FAM135B: variants seen among roughly 807,000 people sequenced by gnomAD.
The protein encoded by FAM135B is family with sequence similarity 135 member B, also known as protein FAM135B.
Under a neutral mutation model 127.7 loss-of-function variants are expected in FAM135B, and 43 were observed. The ratio of observed to expected loss-of-function variants is 0.34; its 90% CI spans 0.26 to 0.43. The LOEUF (loss-of-function observed/expected upper bound fraction) is 0.43, where lower values mean the gene tolerates loss of function less well. Among genes scored for constraint, FAM135B ranks in the 20% least tolerant of loss-of-function variants. FAM135B has a pLI of 1.00. For missense variants in FAM135B, 1,558 were observed against 1,725.6 expected (o/e 0.90, Z 1.72); for synonymous variants, 670 against 665.1 (o/e 1.01, Z -0.11).
chr8:138,452,030 A>G, intron 1 of FAM135B, among the ~76,000 whole-genome samples: 1 of 152,246 alleles, frequency 6.6e-6, no homozygotes, highest in South Asian at 2.1e-4. Flanking sequence ...ATACACTAAT[A>G]AAAAATTATC....
intron 9 of FAM135B, among the ~76,000 whole-genome samples, chr8:138,183,667 A>C (rs1815289400): frequency 6.6e-6 from 1 of 152,224 alleles, no homozygotes; most frequent in Non-Finnish European, 1.5e-5. Context: ...TTTTTATAAC[A>C]ACAGCATAGC....
In FAM135B at chr8:138,480,146, C is replaced by T. The variant is rs117859586; in HGVS notation, c.-20+16525G>A. 1.1e-3 allele frequency among the ~76,000 whole-genome samples: 161 copies of T among 152,292 alleles called. 2 individuals carry two copies. In the East Asian group the frequency reaches 0.028, roughly 26 times the overall value. On this transcript the variant is annotated intron_variant, in intron 1 of 19. Coordinates refer to ENST00000395297, the MANE Select transcript of FAM135B (RefSeq NM_015912.4). ...AGCCTCTGGGAGTTGAGCACTGGCT[C>T]CACCATTCTTAACAATTTAATTTCC...
At chr8:138,339,179 C>T (rs1587144629) in intron 2 of FAM135B, among the ~76,000 whole-genome samples, 1 of 151,826 alleles carries the variant, frequency 6.6e-6, no homozygotes, top group South Asian at 2.1e-4. Flanking sequence ...TTAATGGGTG[C>T]AGTACACCAA....
intron 12 of FAM135B, among the ~76,000 whole-genome samples, chr8:138,154,296 A>T (rs1205219378): frequency 1.3e-5 from 2 of 152,078 alleles, no homozygotes; most frequent in African/African-American, 4.8e-5. Context: ...CGTCACCATC[A>T]TCAAAGACCA....
intron 3 of FAM135B, among the ~76,000 whole-genome samples, chr8:138,275,412 C>T (rs992231822): frequency 7.2e-5 from 11 of 152,170 alleles, no homozygotes; most frequent in African/African-American, 2.7e-4. Context: ...TGGCCAGGCA[C>T]GATGACTCAT....
chr8:138,337,748 G>GA (rs1440709957), intron 2 of FAM135B, among the ~76,000 whole-genome samples: 3 of 152,042 alleles, frequency 2.0e-5, no homozygotes, highest in Non-Finnish European at 4.4e-5. Context: ...CACAGAATTG[G>GA]AAAAAACTAC....
At chr8:138,144,459 T>G (rs1252469701) in intron 15 of FAM135B, 10 of 152,134 alleles carry the variant, frequency 6.6e-5, no homozygotes, top group African/African-American at 2.4e-4. Flanking sequence ...ATGCTGCTTT[T>G]TTTTCTCTAA....
chr8:138,490,737 T>C (rs1487671843), intron 1 of FAM135B, among the ~76,000 whole-genome samples: 1 of 152,164 alleles, frequency 6.6e-6, no homozygotes, highest in Admixed American at 6.5e-5. Flanking sequence ...AACTGAAAAC[T>C]AAAGACTGTA....
At chr8:138,414,777 C>T (rs547092386) in intron 1 of FAM135B, among the ~76,000 whole-genome samples, 1 of 152,240 alleles carries the variant, frequency 6.6e-6, no homozygotes, top group South Asian at 2.1e-4. Flanking sequence ...CACTAAGAGG[C>T]TCCATGCATG....
intron 10 of FAM135B, 130 bp downstream of exon 10, chr8:138,178,405 G>T: frequency 1.9e-6 from 2 of 1,030,384 alleles, no homozygotes; most frequent in East Asian, 2.5e-5. Context: ...CACCCTGCAC[G>T]GTCATGGTAG....
At chr8:138,266,646 T>TAC in intron 3 of FAM135B, among the ~76,000 whole-genome samples, 1 of 148,740 alleles carries the variant, frequency 6.7e-6, no homozygotes, top group Non-Finnish European at 1.5e-5. Context: ...TACGTATATA[T>TAC]ACATATATAT....
intron 3 of FAM135B, among the ~76,000 whole-genome samples, chr8:138,297,586 G>A (rs541649064): frequency 3.9e-5 from 6 of 152,294 alleles, no homozygotes; most frequent in South Asian, 4.1e-4. Flanking sequence ...AGGTCAGTCC[G>A]TGGAACACTG....
intron 2 of FAM135B, among the ~76,000 whole-genome samples, chr8:138,350,281 C>T (rs1829687386): frequency 6.6e-6 from 1 of 152,140 alleles, no homozygotes; most frequent in Non-Finnish European, 1.5e-5. Context: ...GTTCTTTCAC[C>T]TAAGTCAACA....
chr8:138,143,709 G>C (rs986635502), intron 15 of FAM135B, among the ~76,000 whole-genome samples: 1 of 152,226 alleles, frequency 6.6e-6, no homozygotes, highest in Non-Finnish European at 1.5e-5. Flanking sequence ...TAACCTCAAG[G>C]ACTAACTTTT....
At chr8:138,368,028 G>C (rs779418900) in intron 1 of FAM135B, 26 bp from the exon 2 acceptor site, 4 of 1,534,668 alleles carry the variant, frequency 2.6e-6, no homozygotes, top group Non-Finnish European at 3.6e-6. Context: ...GAAATTAACA[G>C]TTTGAGATCA....
intron 1 of FAM135B, among the ~76,000 whole-genome samples, chr8:138,431,991 G>A (rs1011368973): frequency 6.6e-6 from 1 of 152,218 alleles, no homozygotes; most frequent in African/African-American, 2.4e-5. Context: ...AGCCAGAAGT[G>A]TGTCATGTGT....
At chr8:138,168,368 C>T (rs1820136338) in intron 11 of FAM135B, among the ~76,000 whole-genome samples, 1 of 152,022 alleles carries the variant, frequency 6.6e-6, no homozygotes, top group Non-Finnish European at 1.5e-5. Flanking sequence ...TTTTAAATGA[C>T]TAGAAATTTA....
intron 7 of FAM135B, among the ~76,000 whole-genome samples, chr8:138,220,316 C>G (rs1023301009): frequency 6.6e-6 from 1 of 152,132 alleles, no homozygotes; most frequent in Non-Finnish European, 1.5e-5. Context: ...ATTCAAATGT[C>G]ACTCTAATCA....
intron 1 of FAM135B, among the ~76,000 whole-genome samples, chr8:138,481,533 T>G (rs1317544363): frequency 2.6e-5 from 4 of 152,234 alleles, no homozygotes; most frequent in Non-Finnish European, 5.9e-5. Context: ...CACCGATGGC[T>G]GCACCATTCC....
Sources: gnomAD v4.1 joint callset for allele counts (sites outside exome capture counted in the v4.1 genomes callset) on GRCh38, gnomAD v4.1.1 for gene constraint, MANE v1.5 for transcripts, NCBI Gene and HGNC (gene_info 2026-07-23, HGNC 2026-07-21) for gene names.